PYCR3: variants seen among roughly 807,000 people sequenced by gnomAD.
PYCR3 encodes P5C reductase 3.
In PYCR3, 26 loss-of-function variants were observed where a neutral mutation model predicts 23.4. That is an observed-to-expected ratio of 1.11 (90% CI 0.81 to 1.54). The LOEUF (loss-of-function observed/expected upper bound fraction) is 1.54. Ranked by LOEUF, PYCR3 falls within the 40% of genes most tolerant of loss-of-function variation. The pLI is 0.00. For missense variants in PYCR3, 360 were observed against 376.3 expected (o/e 0.96, Z 0.36); for synonymous variants, 194 against 162.6 (o/e 1.19, Z -1.47).
rs376628141 is a variant in PYCR3, at chr8:143,606,723, C to T, written c.337-44G>A. On this transcript the variant is annotated intron_variant, in intron 3 of 5. Transcript: ENST00000495276. The stretch of plus-strand genomic sequence containing the variant: ...GAATCAGGGAGTCTGTAGGACTGGG[C>T]CCTGCTGGGCAGGCCCCAGCAGGGG... The T allele has an allele frequency of 1.1e-5, 17 of 1,537,150 alleles. No individual in the cohort carries two copies. In the African/African-American group the frequency reaches 2.2e-4, roughly 20 times the overall value.
Position 143,607,425 on chromosome 8 carries a change from C to T in PYCR3, c.157-293G>A, listed in dbSNP as rs187079142. On this transcript the variant is annotated intron_variant, in intron 2 of 5. Transcript: ENST00000495276. ...ACACCCATGCACATGCACGCACTCA[C>T]GAGCATGCATTCATATACACACACG... Among the ~76,000 whole-genome samples the T allele has an allele frequency of 1.2e-3, 176 of 152,234 alleles. 1 individual carries two copies. Among genetic ancestry groups the T allele is most frequent in the Admixed American group, 9.7e-3 (149 of 15,306 alleles).
In PYCR3 at chr8:143,605,277, G is replaced by T; in HGVS notation, c.*423C>A. 3.6e-6 allele frequency: 1 copy of T among 275,328 alleles called. No homozygotes were observed. The highest frequency in any genetic ancestry group is 7.1e-6 in the Non-Finnish European group (1 of 140,920). The allele number at this position is 275,328 out of a possible 1,614,324, so 17.1% of individuals were successfully genotyped here. Reference sequence around the variant, plus strand: ...GCAGCCGGCCTGGCTGTAGCTGCACGGAGCCACCTGGAAAGCCAAAGGCAA... The same window carrying T: ...GCAGCCGGCCTGGCTGTAGCTGCACTGAGCCACCTGGAAAGCCAAAGGCAA... On this transcript the variant is annotated 3_prime_UTR_variant, in exon 6 of 6. Transcript: ENST00000495276.
In PYCR3 at chr8:143,604,226, G is replaced by A. The variant is rs1829327755; in HGVS notation, c.*1474C>T. 1 of 152,230 alleles carries A rather than the reference G, an allele frequency of 6.6e-6. No homozygotes were observed. 9.4% of individuals were successfully genotyped at this position (152,230 alleles called of 1,614,324 possible). On this transcript the variant is annotated 3_prime_UTR_variant, in exon 6 of 6. Transcript: ENST00000495276. ...GTTTTATCCACCTCTGGTGAAACAT[G>A]AGCTCACTTGGTGCTCTCTGGCCTC... is the stretch of plus-strand genomic sequence containing the variant.
At position 143,605,169 on chromosome 8, in the gene PYCR3, G is replaced by GTGGGGGCC. The variant is rs1829358086; in HGVS notation, c.*530_*531insGGCCCCCA. 2.9e-6 allele frequency: 1 copy of GTGGGGGCC among 343,740 alleles called. No individual in the cohort carries two copies. The highest frequency in any genetic ancestry group is 2.2e-5 in the African/African-American group (1 of 46,190). 21.3% of individuals were successfully genotyped at this position (343,740 alleles called of 1,614,324 possible). A position where few individuals can be genotyped will look rare whatever the true frequency, so the allele number is the denominator to read the frequency against. On this transcript the variant is annotated 3_prime_UTR_variant, in exon 6 of 6. Transcript: ENST00000495276. ...CAGCTCCCCATGGGGGCCCCATCAG[G>GTGGGGGCC]CCAGGGCCCCTGGCTTTACTGCAGG... is the stretch of plus-strand genomic sequence containing the variant.
At chr8:143,608,933 G>A (rs1401278848) in intron 1 of PYCR3, 4 of 456,832 alleles carry the variant, frequency 8.8e-6, no homozygotes, top group Middle Eastern at 6.5e-4. Flanking sequence ...CTGCAGAGAG[G>A]CTTCTAAATG....
chr8:143,605,713 A>C lies in PYCR3; in HGVS notation c.812T>G (p.Leu271Arg). 1 of 1,598,688 alleles carries C rather than the reference A, an allele frequency of 6.3e-7. No individual in the cohort carries two copies. Residue 271 changes from leucine to arginine, a missense_variant, in exon 6 of 6, where the codon CTC (leucine) becomes CGC (arginine). Physicochemically the swap from Leu to Arg is moderately radical, Grantham distance 102. Coordinates refer to ENST00000495276, the MANE Select transcript of PYCR3 (RefSeq NM_023078.6). ...CCAGAGCCCAGCCTACTTTCTGCTGAGCTCCTTGGCCCGGCAGGTGGCAGC... is the reference window on the plus strand; with the variant it reads ...CCAGAGCCCAGCCTACTTTCTGCTGCGCTCCTTGGCCCGGCAGGTGGCAGC... ...VEAATCRAKELSRK is the reference protein window; with the variant it reads ...VEAATCRAKERSRK
Position 143,604,538 on chromosome 8 carries a change from G to A in PYCR3, c.*1162C>T, listed in dbSNP as rs1197973679. On this transcript the variant is annotated 3_prime_UTR_variant, in exon 6 of 6. Coordinates refer to ENST00000495276, the MANE Select transcript of PYCR3 (RefSeq NM_023078.6). Reference sequence around the variant, plus strand: ...ACAGGGAGATGGCACAGCAGGACCCGCCGCCCAGCCTCGCTGAGGGCATGC... The same window carrying A: ...ACAGGGAGATGGCACAGCAGGACCCACCGCCCAGCCTCGCTGAGGGCATGC... 3.1e-5 allele frequency: 9 copies of A among 286,198 alleles called. No homozygotes were observed. Among genetic ancestry groups the A allele is most frequent in the African/African-American group, 9.1e-5 (4 of 43,738 alleles). 17.7% of individuals were successfully genotyped at this position (286,198 alleles called of 1,614,324 possible).
chr8:143,606,820 AC>A, intron 3 of PYCR3, 132 bp downstream of exon 3: 1 of 1,334,652 alleles, frequency 7.5e-7, no homozygotes, highest in Non-Finnish European at 1.0e-6. Context: ...CCAGGAGGGA[AC>A]CCTAAATCCA....
At chr8:143,609,391 G>C (rs1261166495) in intron 1 of PYCR3, 67 bp downstream of exon 1, 2 of 1,390,176 alleles carry the variant, frequency 1.4e-6, no homozygotes, top group Admixed American at 7.1e-5. Context: ...CCCCACTCTC[G>C]CGGCAGGACA....
chr8:143,607,026 ACCTCTGC>A lies in PYCR3; in HGVS notation c.256_262del (p.Ala86TrpfsTer20), dbSNP rs1327727551. 1.2e-6 allele frequency: 2 copies of A among 1,613,224 alleles called. No individual in the cohort carries two copies. The highest frequency in any genetic ancestry group is 3.3e-5 in the Admixed American group (2 of 59,984). On this transcript the variant is annotated frameshift_variant, in exon 3 of 6. Coordinates refer to ENST00000495276, the MANE Select transcript of PYCR3 (RefSeq NM_023078.6). LOFTEE classifies it high-confidence loss of function. ...GTGTTCAGTGGTGACCACAGGAGCC[ACCTCTGC>A]CAGGACAGCTGGCAGCACATGAGGC...
Position 143,606,168 on chromosome 8 carries a change from A to C in PYCR3, c.550-14T>G. 6.3e-7 allele frequency: 1 copy of C among 1,596,348 alleles called. No individual in the cohort carries two copies. The highest frequency in any genetic ancestry group is 8.5e-7 in the Non-Finnish European group (1 of 1,171,628). The stretch of plus-strand genomic sequence containing the variant: ...GAATGCACACACCTGTAGCCGCGGC[A>C]TGGTGGTTGGGGGGGATAGGTGTCA... On this transcript the variant is annotated splice_polypyrimidine_tract_variant and intron_variant, in intron 4 of 5. Transcript: ENST00000495276.
In PYCR3 at chr8:143,606,579, C is replaced by A. The variant is rs769803214; in HGVS notation, c.437G>T (p.Ser146Ile). 1.7e-5 allele frequency: 28 copies of A among 1,612,614 alleles called. No homozygotes were observed. Among genetic ancestry groups the A allele is most frequent in the Non-Finnish European group, 2.2e-5 (26 of 1,179,928 alleles). Residue 146 changes from serine (S) to isoleucine (I), a missense_variant, in exon 4 of 6, where the codon AGC (serine) becomes ATC (isoleucine). Physicochemically the swap from Ser to Ile is moderately radical, Grantham distance 142 (BLOSUM62 -2). Transcript: ENST00000495276. Reference sequence around the variant, plus strand: ...ATGCTGCAGGAGCTTGGTCTCGCTGCTCCCCACGTGGCGGCCCCGCGCCAT... The same window carrying A: ...ATGCTGCAGGAGCTTGGTCTCGCTGATCCCCACGTGGCGGCCCCGCGCCAT... ...IVMARGRHVG[S>I]SETKLLQHLL...
chr8:143,606,524 C>T lies in PYCR3; in HGVS notation c.492G>A (p.Glu164=), dbSNP rs761637189. ...GGATGTCGACGTAGGCTTCAGGCAC[C>T]TCCTCACACCGCCCACAGGCCTCCA... ...HLLEACGRCE[E]VPEAYVDIHT... is the part of the protein sequence containing the mutation. Residue 164 remains glutamate (E), a synonymous_variant, in exon 4 of 6, where the codon GAG becomes GAA. Transcript: ENST00000495276. 3 of 1,612,906 alleles carry T rather than the reference C, an allele frequency of 1.9e-6. No homozygotes were observed. Among genetic ancestry groups the T allele is most frequent in the Non-Finnish European group, 2.5e-6 (3 of 1,180,002 alleles).
chr8:143,609,335 G>T, intron 1 of PYCR3, 123 bp downstream of exon 1: 3 of 1,149,260 alleles, frequency 2.6e-6, no homozygotes, highest in Non-Finnish European at 3.5e-6. Context: ...GGCCCCGGCT[G>T]CGCCCAGCGG....
chr8:143,603,630 G>A lies in PYCR3; in HGVS notation c.*2070C>T, dbSNP rs886438974. On this transcript the variant is annotated 3_prime_UTR_variant, in exon 6 of 6. Transcript: ENST00000495276. ...GGGCTTGGTGTGAATGCAGGTGGCC[G>A]TCAGAAGGGCTGTCCACCTTCCTTC... Among the ~76,000 whole-genome samples, 3 of 152,288 alleles carry A rather than the reference G, an allele frequency of 2.0e-5. No homozygotes were observed. Among genetic ancestry groups the A allele is most frequent in the Admixed American group, 1.3e-4 (2 of 15,298 alleles).
chr8:143,606,191 T>A, intron 4 of PYCR3, 37 bp from the exon 5 acceptor site: 7 of 1,520,402 alleles, frequency 4.6e-6, no homozygotes, highest in African/African-American at 1.4e-5. Context: ...GGGATAGGTG[T>A]CAAAGCCTGG....
Position 143,605,847 on chromosome 8 carries a change from G to A in PYCR3, c.678C>T (p.His226=), listed in dbSNP as rs368304380. 882 of 1,610,472 alleles carry A rather than the reference G, an allele frequency of 5.5e-4. 11 individuals are homozygous for A. In the South Asian group the frequency reaches 9.2e-3, roughly 17 times the overall value. Residue 226 remains histidine (H), a synonymous_variant, in exon 6 of 6, where the codon CAC becomes CAT. Transcript: ENST00000495276. Reference sequence around the variant, plus strand: ...ACACGTCTGAGCGCAGCTGGGCTGGGTGTTGGCCCTCGTGCAGCAGCATCT... The same window carrying A: ...ACACGTCTGAGCGCAGCTGGGCTGGATGTTGGCCCTCGTGCAGCAGCATCT... The part of the protein sequence containing the change: ...TAKMLLHEGQ[H]PAQLRSDVCT...
intron 2 of PYCR3, 32 bp from the exon 3 acceptor site, chr8:143,607,164 G>A: frequency 3.3e-6 from 5 of 1,510,322 alleles, no homozygotes; most frequent in Non-Finnish European, 4.4e-6. Context: ...CAAGCCTCAG[G>A]GGCCATGTAA....
At chr8:143,607,977 GGCTCTGATAA>G in intron 2 of PYCR3, 75 bp downstream of exon 2, 2 of 1,036,740 alleles carry the variant, frequency 1.9e-6, no homozygotes, top group Non-Finnish European at 3.0e-6. Context: ...ACCCATCCCT[GGCTCTGATAA>G]GTGTCTTAGT....
Sources: gnomAD v4.1 joint callset for allele counts (sites outside exome capture counted in the v4.1 genomes callset) on GRCh38, gnomAD v4.1.1 for gene constraint, MANE v1.5 for transcripts, NCBI Gene and HGNC (gene_info 2026-07-23, HGNC 2026-07-21) for gene names.